RNFT2: variants seen among roughly 807,000 people sequenced by gnomAD.
RNFT2 encodes ring finger protein, transmembrane 2.
Under a neutral mutation model 53.0 loss-of-function variants are expected in RNFT2, and 36 were observed. The observed-to-expected ratio is 0.68, with a 90% CI of 0.52 to 0.90. RNFT2 has a LOEUF of 0.90. RNFT2 is among the 40% of genes least tolerant of loss of function. The probability of loss-of-function intolerance (pLI) is 0.00; values close to 1 mark genes in which losing one functional copy is unlikely to be tolerated. For missense variants in RNFT2, 514 were observed against 585.6 expected (o/e 0.88, Z 1.26); for synonymous variants, 260 against 253.2 (o/e 1.03, Z -0.26).
At chr12:116,808,022 G>A (rs1232801997) in intron 7 of RNFT2, among the ~76,000 whole-genome samples, 2 of 151,674 alleles carry the variant, frequency 1.3e-5, no homozygotes, top group Non-Finnish European at 1.5e-5. Flanking sequence ...AGGCTGGAGG[G>A]CAATGGCACG....
At chr12:116,746,605 C>T (rs756224776) in intron 3 of RNFT2, among the ~76,000 whole-genome samples, 4 of 152,104 alleles carry the variant, frequency 2.6e-5, no homozygotes, top group Non-Finnish European at 4.4e-5. Flanking sequence ...GGGAGACATC[C>T]GGTGAAGGTG....
At chr12:116,836,400 C>G in intron 10 of RNFT2, 118 bp downstream of exon 10, 1 of 817,440 alleles carries the variant, frequency 1.2e-6, no homozygotes, top group South Asian at 1.6e-5. Flanking sequence ...CGGTTAAGAC[C>G]GGAGTCAGCC....
At chr12:116,797,611 G>T (rs1874566429) in intron 7 of RNFT2, among the ~76,000 whole-genome samples, 1 of 152,052 alleles carries the variant, frequency 6.6e-6, no homozygotes, top group Non-Finnish European at 1.5e-5. Flanking sequence ...CCAAAGAGGG[G>T]CTTAGACTGT....
intron 1 of RNFT2, among the ~76,000 whole-genome samples, chr12:116,740,067 G>A (rs746811103): frequency 1.3e-5 from 2 of 152,078 alleles, no homozygotes; most frequent in Non-Finnish European, 2.9e-5. Context: ...TTGGGTGGGC[G>A]TGGTGTCGCA....
At chr12:116,800,892 G>A (rs1479752337) in intron 7 of RNFT2, 1 of 145,906 alleles carries the variant, frequency 6.9e-6, no homozygotes, top group African/African-American at 2.5e-5. Context: ...AGAGGCTCAG[G>A]GAGGCTAACC....
At chr12:116,757,383 T>G (rs1198471058) in intron 5 of RNFT2, among the ~76,000 whole-genome samples, 2 of 152,154 alleles carry the variant, frequency 1.3e-5, no homozygotes, top group African/African-American at 4.8e-5. Flanking sequence ...GGTTTCTTCT[T>G]GTTTCTCTAG....
chr12:116,848,825 G>GT (rs1026204383), intron 10 of RNFT2, among the ~76,000 whole-genome samples: 22 of 144,252 alleles, frequency 1.5e-4, no homozygotes, highest in Non-Finnish European at 2.9e-4. Flanking sequence ...TTTGTTTTTT[G>GT]TTTTTTTGTT....
chr12:116,826,024 A>C (rs969451230), intron 7 of RNFT2, among the ~76,000 whole-genome samples: 2 of 152,124 alleles, frequency 1.3e-5, no homozygotes, highest in African/African-American at 4.8e-5. Context: ...TTTTTCATAC[A>C]TTGAAGCTGC....
chr12:116,813,129 T>A (rs1333085070), intron 7 of RNFT2, among the ~76,000 whole-genome samples: 2 of 152,038 alleles, frequency 1.3e-5, no homozygotes, highest in Non-Finnish European at 2.9e-5. Flanking sequence ...CTAATTTTTT[T>A]TGTATTTTTT....
intron 7 of RNFT2, among the ~76,000 whole-genome samples, chr12:116,787,217 C>A (rs112186221): frequency 6.6e-6 from 1 of 152,230 alleles, no homozygotes; most frequent in Admixed American, 6.5e-5. Flanking sequence ...AAATCCAACT[C>A]TTCCAACTCC....
chr12:116,740,468 C>T lies in RNFT2; in HGVS notation c.-30C>T. On this transcript the variant is annotated 5_prime_UTR_variant, in exon 2 of 11. Coordinates refer to ENST00000257575, the MANE Select transcript of RNFT2 (RefSeq NM_001382266.1). ...CTGAGGATTCCCGAATGCCTACCTC[C>T]AGTGTCGTCAACATGGAGTTCTGAA... The T allele has an allele frequency of 6.4e-7, 1 of 1,566,120 alleles. No individual in the cohort carries two copies. Among genetic ancestry groups the T allele is most frequent in the Non-Finnish European group, 8.7e-7 (1 of 1,153,858 alleles).
At chr12:116,782,606 CATTCCA>C (rs1443768937) in intron 7 of RNFT2, among the ~76,000 whole-genome samples, 2 of 152,138 alleles carry the variant, frequency 1.3e-5, no homozygotes, top group Non-Finnish European at 2.9e-5. Context: ...GTGGGCGCAG[CATTCCA>C]TTCCCTGCCA....
chr12:116,820,525 C>T (rs946631884), intron 7 of RNFT2, among the ~76,000 whole-genome samples: 5 of 152,188 alleles, frequency 3.3e-5, no homozygotes, highest in African/African-American at 9.7e-5. Flanking sequence ...TTCCTGTGTC[C>T]TCACTTCCCC....
chr12:116,753,701 T>G (rs1265734382), intron 4 of RNFT2, among the ~76,000 whole-genome samples: 1 of 152,114 alleles, frequency 6.6e-6, no homozygotes, highest in South Asian at 2.1e-4. Context: ...GAGCTGGGAA[T>G]TGAACCCAGC....
chr12:116,816,585 TGTGG>T (rs1224319669), intron 7 of RNFT2, among the ~76,000 whole-genome samples: 1 of 152,154 alleles, frequency 6.6e-6, no homozygotes, highest in Non-Finnish European at 1.5e-5. Flanking sequence ...TGGCAGATGT[TGTGG>T]GTAAGAGCAT....
chr12:116,742,627 A>C, intron 3 of RNFT2, among the ~76,000 whole-genome samples: 1 of 152,086 alleles, frequency 6.6e-6, no homozygotes, highest in Non-Finnish European at 1.5e-5. Flanking sequence ...GACAGGAGAA[A>C]TATTGGCTGC....
chr12:116,794,700 G>GGGAA, intron 7 of RNFT2, among the ~76,000 whole-genome samples: 2 of 138,964 alleles, frequency 1.4e-5, no homozygotes, highest in African/African-American at 5.8e-5. Context: ...GGGAAGGGAA[G>GGGAA]GGAGGAAAGA....
intron 6 of RNFT2, among the ~76,000 whole-genome samples, chr12:116,775,876 C>G (rs1368516627): frequency 6.6e-6 from 1 of 152,136 alleles, no homozygotes; most frequent in African/African-American, 2.4e-5. Flanking sequence ...AACCCTGTCT[C>G]TATTAAAAAT....
At chr12:116,845,418 G>A (rs557664317) in intron 10 of RNFT2, among the ~76,000 whole-genome samples, 23 of 152,140 alleles carry the variant, frequency 1.5e-4, no homozygotes, top group African/African-American at 5.5e-4. Flanking sequence ...TACATTTGCA[G>A]GAGACAGTAA....
Sources: allele counts gnomAD v4.1 joint callset (sites outside exome capture counted in the v4.1 genomes callset), GRCh38; gene constraint gnomAD v4.1.1; transcripts MANE v1.5; gene names NCBI Gene and HGNC (gene_info 2026-07-23, HGNC 2026-07-21).